ZBBX: variants seen among roughly 807,000 people sequenced by gnomAD.
The protein encoded by ZBBX is zinc finger B-box domain-containing protein 1.
Under a neutral mutation model 108.5 loss-of-function variants are expected in ZBBX, and 101 were observed. The observed-to-expected ratio is 0.93, with a 90% CI of 0.79 to 1.10. The LOEUF (loss-of-function observed/expected upper bound fraction) is 1.10, where lower values mean the gene tolerates loss of function less well. Ranked by LOEUF, ZBBX falls within the 50% of genes least tolerant of loss-of-function variation. ZBBX has a pLI of 0.00. For synonymous variants in ZBBX, 356 were observed against 323.4 expected (o/e 1.10, Z -1.08); for missense variants, 1,009 against 941.4 (o/e 1.07, Z -0.94).
intron 20 of ZBBX, among the ~76,000 whole-genome samples, chr3:167,245,416 C>T (rs918676266): frequency 6.6e-6 from 1 of 152,172 alleles, no homozygotes; most frequent in Non-Finnish European, 1.5e-5. Flanking sequence ...CTTCTCTCCC[C>T]TCTGCACTAT....
At chr3:167,338,287 C>T (rs918621715) in intron 9 of ZBBX, among the ~76,000 whole-genome samples, 33 of 152,278 alleles carry the variant, frequency 2.2e-4, no homozygotes, top group African/African-American at 7.5e-4. Context: ...ATTCATCACT[C>T]TGACAATGTA....
At chr3:167,228,721 G>A in the ZBBX span, among the ~76,000 whole-genome samples, 1 of 151,752 alleles carries the variant, frequency 6.6e-6, no homozygotes, top group African/African-American at 2.4e-5. Context: ...AAATATTTCT[G>A]AAACAGTTTA....
intron 1 of ZBBX, among the ~76,000 whole-genome samples, chr3:167,392,376 CTT>C (rs964183664): frequency 2.0e-5 from 3 of 151,748 alleles, no homozygotes; most frequent in Non-Finnish European, 2.9e-5. Flanking sequence ...ATGTGCAAGT[CTT>C]TGTGTGGAAG....
chr3:167,234,535 T>C, the ZBBX span, among the ~76,000 whole-genome samples: 5 of 151,880 alleles, frequency 3.3e-5, no homozygotes, highest in Non-Finnish European at 5.9e-5. Context: ...AAAAGAGGAA[T>C]TGATTATATA....
chr3:167,348,825 C>T (rs1318003845), intron 9 of ZBBX, among the ~76,000 whole-genome samples: 3 of 151,964 alleles, frequency 2.0e-5, no homozygotes, highest in Admixed American at 6.6e-5. Flanking sequence ...TACAAATTTC[C>T]AACCTACAAT....
intron 1 of ZBBX, among the ~76,000 whole-genome samples, chr3:167,385,627 T>G (rs998394671): frequency 6.6e-6 from 1 of 151,982 alleles, no homozygotes; most frequent in South Asian, 2.1e-4. Context: ...CACAAAATTT[T>G]TTTTCCTTAT....
rs181608847 is a variant in ZBBX, at chr3:167,283,963, A to G, written c.1997-1468T>C. Reference sequence around the variant, plus strand: ...TACTTCGAATGTGTCTAATACCTCAAGAAGACTCTCAATACAGTATGTAAT... The same window carrying G: ...TACTTCGAATGTGTCTAATACCTCAGGAAGACTCTCAATACAGTATGTAAT... On this transcript the variant is annotated intron_variant, in intron 19 of 21. Coordinates refer to ENST00000675490, the MANE Select transcript of ZBBX (RefSeq NM_001199201.2). 1.8e-4 allele frequency among the ~76,000 whole-genome samples: 28 copies of G among 152,278 alleles called. No homozygotes were observed. The East Asian group carries it at 2.1e-3, about 12-fold the overall frequency.
In ZBBX at chr3:167,267,466, A is replaced by G. The variant is rs1305686244; in HGVS notation, c.2254+14772T>C. ...AGTATTATGAGAAGTGAAAAGGATA[A>G]AGATAGCAATAAATATATTCCCCCA... On this transcript the variant is annotated intron_variant, in intron 20 of 21. Transcript: ENST00000675490. Among the ~76,000 whole-genome samples, 5 of 152,232 alleles carry G rather than the reference A, an allele frequency of 3.3e-5. No individual in the cohort carries two copies. In the East Asian group the frequency reaches 9.6e-4, roughly 29 times the overall value.
At chr3:167,378,961 C>T (rs1347495239) in intron 2 of ZBBX, among the ~76,000 whole-genome samples, 1 of 152,088 alleles carries the variant, frequency 6.6e-6, no homozygotes, top group Non-Finnish European at 1.5e-5. Context: ...TTTTGTTTCC[C>T]TAAGTAGCCC....
chr3:167,298,139 T>C (rs1375215619), intron 18 of ZBBX, among the ~76,000 whole-genome samples, 166 bp downstream of exon 18: 1 of 152,090 alleles, frequency 6.6e-6, no homozygotes, highest in African/African-American at 2.4e-5. Context: ...TAAGTCATAG[T>C]TTCTCACATT....
At chr3:167,216,325 C>G in the ZBBX span, among the ~76,000 whole-genome samples, 1 of 152,024 alleles carries the variant, frequency 6.6e-6, no homozygotes, top group Non-Finnish European at 1.5e-5. Flanking sequence ...CATTCCTATA[C>G]ACCACCGACA....
At chr3:167,199,094 G>T in the ZBBX span, among the ~76,000 whole-genome samples, 1 of 152,192 alleles carries the variant, frequency 6.6e-6, no homozygotes, top group African/African-American at 2.4e-5. Context: ...ACACATAAGA[G>T]AATGGGGAAG....
chr3:167,395,534 T>C (rs1748208512), intron 1 of ZBBX, among the ~76,000 whole-genome samples: 1 of 150,898 alleles, frequency 6.6e-6, no homozygotes, highest in South Asian at 2.1e-4. Flanking sequence ...ATTCTTAGCA[T>C]TCATTTATAA....
intron 16 of ZBBX, 36 bp from the exon 17 acceptor site, chr3:167,305,986 T>A: frequency 7.1e-7 from 1 of 1,415,946 alleles, no homozygotes. Flanking sequence ...GGTACATAAA[T>A]AAATTTAAAC....
At chr3:167,383,829 C>A (rs144217278), upstream of ZBBX, among the ~76,000 whole-genome samples, 273 of 152,162 alleles carry the variant, frequency 1.8e-3, 1 homozygote, top group African/African-American at 6.1e-3. Flanking sequence ...TGAACAAAGA[C>A]ACCGTCTCTG....
At chr3:167,403,474 C>T (rs1748489268) in intron 1 of ZBBX, among the ~76,000 whole-genome samples, 1 of 151,986 alleles carries the variant, frequency 6.6e-6, no homozygotes, top group South Asian at 2.1e-4. Flanking sequence ...GTAGGAAATT[C>T]AGATCTGCAA....
In ZBBX at chr3:167,313,045, A is replaced by G. The variant is rs1169969302; in HGVS notation, c.1417+929T>C. 4.6e-5 allele frequency among the ~76,000 whole-genome samples: 7 copies of G among 152,286 alleles called. No individual in the cohort carries two copies. The East Asian group carries it at 1.2e-3, about 25-fold the overall frequency. ...TTATCTAGTTCCTACATTTTTGCTT[A>G]GGAAAATGAAGTCTAAGCAAGTAAG... On this transcript the variant is annotated intron_variant, in intron 16 of 21. Transcript: ENST00000675490.
chr3:167,180,536 A>G, the ZBBX span, among the ~76,000 whole-genome samples: 102,410 of 152,116 alleles, frequency 0.67, 35,770 homozygotes, highest in African/African-American at 0.87. Context: ...TAACATTGGA[A>G]TAATATTTCT....
chr3:167,325,875 T>C (rs1737291208), intron 11 of ZBBX, among the ~76,000 whole-genome samples: 1 of 152,148 alleles, frequency 6.6e-6, no homozygotes, highest in Non-Finnish European at 1.5e-5. Context: ...ATGATAATAA[T>C]TTATTGTCAA....
Sources: gnomAD v4.1 joint callset for allele counts (sites outside exome capture counted in the v4.1 genomes callset) on GRCh38, gnomAD v4.1.1 for gene constraint, MANE v1.5 for transcripts, NCBI Gene and HGNC (gene_info 2026-07-23, HGNC 2026-07-21) for gene names.